Variants in MRPL37 observed in about 807,000 individuals in gnomAD.
MRPL37 encodes mitochondrial ribosomal protein L37.
A neutral mutation model predicts 44.1 loss-of-function variants in MRPL37; 34 were observed. The observed-to-expected ratio is 0.77, with a 90% CI of 0.59 to 1.03. The LOEUF (loss-of-function observed/expected upper bound fraction) is 1.03. Among genes scored for constraint, MRPL37 ranks in the 50% least tolerant of loss-of-function variants. MRPL37 has a pLI of 0.00. For synonymous variants in MRPL37, 212 were observed against 219.5 expected (o/e 0.97, Z 0.30); for missense variants, 532 against 543.7 (o/e 0.98, Z 0.21).
In MRPL37 at chr1:54,218,101, A is replaced by C. The variant is rs35801605; in HGVS notation, c.1195-71A>C. 3 of 1,363,806 alleles carry C rather than the reference A, an allele frequency of 2.2e-6. No homozygotes were observed. In the Admixed American group the frequency reaches 5.0e-5, roughly 23 times the overall value. The allele number at this position is 1,363,806 out of a possible 1,614,324, so 84.5% of individuals were successfully genotyped here. On this transcript the variant is annotated intron_variant, in intron 6 of 6. Coordinates refer to ENST00000360840, the MANE Select transcript of MRPL37 (RefSeq NM_016491.4). ...TGTCCAGGCACTGAAGATTTACTTC[A>C]ATCCAATCTTTGTTTTAATTGCTGC...
In MRPL37 at chr1:54,216,339, G is replaced by A; in HGVS notation, c.1189G>A (p.Val397Ile). ...WCLPVIKKRV[V>I]VEPVGPVGFK... ...TCTCCCAGTGATCAAAAAGAGAGTG[G>A]TTGTGGTAAGTTGAGCCATCTCCTG... is the stretch of plus-strand genomic sequence containing the variant. Residue 397 changes from valine to isoleucine, a missense_variant, in exon 6 of 7, where the codon GTT becomes ATT. By Grantham distance (29) the Val-to-Ile change is conservative. Coordinates refer to ENST00000360840, the MANE Select transcript of MRPL37 (RefSeq NM_016491.4). The A allele has an allele frequency of 1.2e-6, 2 of 1,613,790 alleles. No individual in the cohort carries two copies. The highest frequency in any genetic ancestry group is 1.7e-6 in the Non-Finnish European group (2 of 1,179,986).
chr1:54,218,067 G>A, intron 6 of MRPL37, 105 bp from the exon 7 acceptor site: 1 of 1,041,004 alleles, frequency 9.6e-7, no homozygotes, highest in Non-Finnish European at 1.5e-6. Context: ...GTCAGAAAAA[G>A]AAAGTTACTG....
chr1:54,209,850 G>C (rs745399997), intron 3 of MRPL37, 96 bp from the exon 4 acceptor site: 4 of 1,285,802 alleles, frequency 3.1e-6, no homozygotes, highest in Non-Finnish European at 4.3e-6. Flanking sequence ...ACCTGCCTTG[G>C]CCTCCCAAAG....
chr1:54,216,457 A>C, intron 6 of MRPL37, 113 bp downstream of exon 6: 4 of 1,251,274 alleles, frequency 3.2e-6, no homozygotes, highest in Non-Finnish European at 3.4e-6. Context: ...GGCCCTGGGG[A>C]CTTCCCACCC....
At chr1:54,204,484 T>C (rs1358616404) in intron 1 of MRPL37, among the ~76,000 whole-genome samples, 1 of 152,168 alleles carries the variant, frequency 6.6e-6, no homozygotes, top group Non-Finnish European at 1.5e-5. Context: ...CCTTAAAATA[T>C]TCATGAAAAT....
chr1:54,203,676 A>C (rs1201403926), intron 1 of MRPL37, among the ~76,000 whole-genome samples: 1 of 151,798 alleles, frequency 6.6e-6, no homozygotes, highest in African/African-American at 2.4e-5. Context: ...GGGTTTTACC[A>C]TGTTGGCCAG....
chr1:54,210,063 C>T lies in MRPL37; in HGVS notation c.764C>T (p.Thr255Ile), dbSNP rs762650782. The T allele has an allele frequency of 3.1e-6, 5 of 1,614,056 alleles. No individual in the cohort carries two copies. In the African/African-American group the frequency reaches 6.7e-5, roughly 22 times the overall value. Reference protein sequence around the residue: ...IEATKNHVLETFYPISPIIDL... With the variant: ...IEATKNHVLEIFYPISPIIDL... ...GCTACTAAGAATCATGTTCTAGAGA[C>T]CTTCTACCCCATATCACCCATCATC... Residue 255 changes from threonine to isoleucine, a missense_variant, in exon 4 of 7, where the codon ACC becomes ATC. Transcript: ENST00000360840.
downstream of MRPL37, among the ~76,000 whole-genome samples, chr1:54,222,856 A>G (rs59440889): frequency 0.18 from 27,877 of 152,102 alleles, 2,882 homozygotes; most frequent in African/African-American, 0.28. Context: ...CCTCACCTCC[A>G]CAAACGGCAT....
Position 54,205,316 on chromosome 1 carries a change from A to C in MRPL37, c.552A>C (p.Leu184=). The part of the protein sequence containing the change: ...ETYCPVIVDN[L]IQLCKSQILK... ...CAAGCCCGGTCATCGTGGACAACCT[A>C]ATACAGCTGTGTAAATCTCAGATTC... The change falls in exon 3 of 7, where the codon CTA becomes CTC. Residue 184 remains leucine (L), a synonymous_variant. Coordinates refer to ENST00000360840, the MANE Select transcript of MRPL37 (RefSeq NM_016491.4). 1 of 1,614,072 alleles carries C rather than the reference A, an allele frequency of 6.2e-7. No individual in the cohort carries two copies. Among genetic ancestry groups the C allele is most frequent in the East Asian group, 2.2e-5 (1 of 44,886 alleles).
chr1:54,220,332 C>A (rs903612270), downstream of MRPL37, among the ~76,000 whole-genome samples: 1 of 152,164 alleles, frequency 6.6e-6, no homozygotes, highest in African/African-American at 2.4e-5. Context: ...GGAAGGGGGC[C>A]AGGGTTGCCG....
At chr1:54,215,315 A>G (rs2100514444) in intron 5 of MRPL37, among the ~76,000 whole-genome samples, 1 of 152,330 alleles carries the variant, frequency 6.6e-6, no homozygotes, top group Non-Finnish European at 1.5e-5. Flanking sequence ...CTTATCTGTT[A>G]GTGGGAATAT....
intron 1 of MRPL37, among the ~76,000 whole-genome samples, chr1:54,203,003 C>T (rs1053505355): frequency 1.3e-5 from 2 of 152,138 alleles, no homozygotes; most frequent in African/African-American, 4.8e-5. Flanking sequence ...TATGCATGTT[C>T]CTCCCTTAGA....
At chr1:54,209,162 A>G (rs1416498187) in intron 3 of MRPL37, among the ~76,000 whole-genome samples, 1 of 152,172 alleles carries the variant, frequency 6.6e-6, no homozygotes. Flanking sequence ...CCTTGAGAGG[A>G]GAGAGTAACT....
At chr1:54,206,324 G>A (rs1264008104) in intron 3 of MRPL37, among the ~76,000 whole-genome samples, 1 of 151,992 alleles carries the variant, frequency 6.6e-6, no homozygotes, top group African/African-American at 2.4e-5. Context: ...ATGTTAGCCA[G>A]GATGGTCTCG....
chr1:54,201,865 A>G (rs558748765), intron 1 of MRPL37, among the ~76,000 whole-genome samples: 63 of 152,282 alleles, frequency 4.1e-4, no homozygotes, highest in African/African-American at 1.5e-3. Flanking sequence ...CCTATTTTTC[A>G]TATGCAAATA....
chr1:54,205,298 G>T lies in MRPL37; in HGVS notation c.534G>T (p.Pro178=), dbSNP rs751838750. 6.2e-7 allele frequency: 1 copy of T among 1,612,436 alleles called. No homozygotes were observed. The highest frequency in any genetic ancestry group is 1.7e-5 in the Admixed American group (1 of 59,926). ...EEIPKRETYC[P]VIVDNLIQLC... ...AATGTCTCTTTTTGTCTTCAAGCCCGGTCATCGTGGACAACCTAATACAGC... is the reference window on the plus strand; with the variant it reads ...AATGTCTCTTTTTGTCTTCAAGCCCTGTCATCGTGGACAACCTAATACAGC... The change falls in exon 3 of 7, where the codon CCG becomes CCT. Residue 178 remains proline (P), a synonymous_variant. Coordinates refer to ENST00000360840, the MANE Select transcript of MRPL37 (RefSeq NM_016491.4).
chr1:54,221,162 G>A (rs1473767315), downstream of MRPL37, among the ~76,000 whole-genome samples: 1 of 152,172 alleles, frequency 6.6e-6, no homozygotes, highest in Non-Finnish European at 1.5e-5. Flanking sequence ...TAGAAGCCAG[G>A]TGGAAAGGTG....
chr1:54,206,864 A>G (rs974512653), intron 3 of MRPL37, among the ~76,000 whole-genome samples: 1 of 150,754 alleles, frequency 6.6e-6, no homozygotes, highest in Admixed American at 6.6e-5. Context: ...CCTCTCAAGT[A>G]GCTGGGATTA....
chr1:54,221,014 T>A (rs956474552), downstream of MRPL37: 1 of 364,970 alleles, frequency 2.7e-6, no homozygotes, highest in African/African-American at 2.1e-5. Context: ...CCCTCCTGTA[T>A]TCCAGCTGCC....
Sources: allele counts gnomAD v4.1 joint callset (sites outside exome capture counted in the v4.1 genomes callset), GRCh38; gene constraint gnomAD v4.1.1; transcripts MANE v1.5; gene names NCBI Gene and HGNC (gene_info 2026-07-23, HGNC 2026-07-21).